Variants in GPC4 observed in about 807,000 individuals in gnomAD.
GPC4 encodes the protein glypican 4.
GPC4 carries 10 observed loss-of-function variants against 35.0 expected under a neutral mutation model. The observed-to-expected ratio is 0.29, with a 90% CI of 0.18 to 0.48. GPC4 has a LOEUF of 0.48. GPC4 is among the 20% of genes least tolerant of loss of function. The probability of loss-of-function intolerance (pLI) is 0.99; values close to 1 mark genes in which losing one functional copy is unlikely to be tolerated. For synonymous variants in GPC4, 167 were observed against 170.2 expected, an observed-to-expected ratio of 0.98 and a Z score of 0.15; for missense variants, 322 against 451.3, an observed-to-expected ratio of 0.71 and a Z score of 2.60.
intron 1 of GPC4, among the ~76,000 whole-genome samples, chrX:133,406,946 C>A (rs1248942340): frequency 9.3e-6 from 1 of 107,920 alleles, no homozygotes; most frequent in Non-Finnish European, 1.9e-5. Context: ...TGTGGCAGCA[C>A]ACACCTGTAG....
intron 2 of GPC4, among the ~76,000 whole-genome samples, chrX:133,329,640 A>G (rs1453325198): frequency 9.0e-6 from 1 of 111,073 alleles, no homozygotes; most frequent in Non-Finnish European, 1.9e-5. Context: ...AGAATACCAT[A>G]CACACACCAC....
intron 1 of GPC4, among the ~76,000 whole-genome samples, chrX:133,360,921 G>T (rs756628545): frequency 9.0e-6 from 1 of 111,130 alleles, no homozygotes; most frequent in African/African-American, 3.3e-5. Flanking sequence ...AACTGATTAC[G>T]GTTTTTATCC....
At chrX:133,308,032 A>T (rs763011185) in intron 4 of GPC4, among the ~76,000 whole-genome samples, 17 of 112,017 alleles carry the variant, frequency 1.5e-4, no homozygotes, top group Non-Finnish European at 2.8e-4. Context: ...TGTGTTGCGC[A>T]GCTGAAGAAT....
intron 1 of GPC4, among the ~76,000 whole-genome samples, chrX:133,356,022 G>A (rs1268777943): frequency 1.8e-5 from 2 of 111,606 alleles, no homozygotes; most frequent in Non-Finnish European, 3.8e-5. Flanking sequence ...AACTTACCCA[G>A]CCTCCAGTAT....
At chrX:133,397,752 C>T (rs1040552410) in intron 1 of GPC4, among the ~76,000 whole-genome samples, 5 of 111,454 alleles carry the variant, frequency 4.5e-5, no homozygotes, top group African/African-American at 9.8e-5. Context: ...AATCAGAAAA[C>T]TTACCCTTAT....
chrX:133,302,785 A>G lies in GPC4; in HGVS notation c.*82T>C. 9 of 953,790 alleles carry G rather than the reference A, an allele frequency of 9.4e-6. No homozygotes were observed. Among genetic ancestry groups the G allele is most frequent in the Non-Finnish European group, 1.3e-5 (9 of 679,748 alleles). 78.6% of individuals were successfully genotyped at this position (953,790 alleles called of 1,213,427 possible). ...TACATTGTTGTCCATTCATTTAAAA[A>G]GCAAAGTCACTAGGATGGTAGAAAA... On this transcript the variant is annotated 3_prime_UTR_variant, in exon 9 of 9. Coordinates refer to ENST00000370828, the MANE Select transcript of GPC4 (RefSeq NM_001448.3).
chrX:133,380,776 G>A (rs2068657318), intron 1 of GPC4, among the ~76,000 whole-genome samples: 2 of 111,911 alleles, frequency 1.8e-5, no homozygotes, highest in African/African-American at 6.5e-5. Flanking sequence ...GAGGCAAATT[G>A]CACACAAAAC....
At chrX:133,304,498 A>T (rs1371369843) in intron 7 of GPC4, among the ~76,000 whole-genome samples, 1 of 111,655 alleles carries the variant, frequency 9.0e-6, no homozygotes, top group African/African-American at 3.3e-5. Context: ...CGAGACTATA[A>T]CTACTGTCAA....
At chrX:133,399,755 C>G (rs1402675563) in intron 1 of GPC4, among the ~76,000 whole-genome samples, 1 of 112,474 alleles carries the variant, frequency 8.9e-6, no homozygotes, top group Non-Finnish European at 1.9e-5. Context: ...AATCCCAACA[C>G]TTTGGGAGCC....
chrX:133,350,308 A>T (rs2068511264), intron 1 of GPC4, among the ~76,000 whole-genome samples: 1 of 111,038 alleles, frequency 9.0e-6, no homozygotes, highest in Admixed American at 9.6e-5. Flanking sequence ...GGATCGCTTC[A>T]GCCCATGAAT....
intron 3 of GPC4, among the ~76,000 whole-genome samples, chrX:133,319,443 CAAAAA>C (rs369290840): frequency 3.6e-4 from 6 of 16,889 alleles, no homozygotes; most frequent in African/African-American, 9.4e-4. Context: ...GACCCTATGT[CAAAAA>C]AAAAAAAAAA....
Position 133,415,222 on chromosome X carries a change from A to C in GPC4, c.-257T>G. ...AGGGCGTGGAGGCGGCGCGCGGCCC[A>C]GGGAAGCAGAGGCGCGGGCTGGTGA... On this transcript the variant is annotated 5_prime_UTR_variant, in exon 1 of 9. Transcript: ENST00000370828. 1 of 330,988 alleles carries C rather than the reference A, an allele frequency of 3.0e-6. No individual in the cohort carries two copies. Among genetic ancestry groups the C allele is most frequent in the South Asian group, 7.0e-5 (1 of 14,238 alleles). The allele number at this position is 330,988 out of a possible 1,213,427, so 27.3% of individuals were successfully genotyped here. A position where few individuals can be genotyped will look rare whatever the true frequency, so the allele number is the denominator to read the frequency against.
intron 1 of GPC4, among the ~76,000 whole-genome samples, chrX:133,397,794 C>T (rs760941051): frequency 2.7e-5 from 3 of 112,073 alleles, no homozygotes; most frequent in Non-Finnish European, 5.6e-5. Context: ...GGCACAGTGG[C>T]TCACGCCTGT....
intron 2 of GPC4, among the ~76,000 whole-genome samples, chrX:133,327,177 C>T (rs1447864255): frequency 8.9e-6 from 1 of 111,934 alleles, no homozygotes; most frequent in Non-Finnish European, 1.9e-5. Flanking sequence ...ATAAAATTGG[C>T]ACATATCAGC....
chrX:133,303,347 A>G lies in GPC4; in HGVS notation c.1293-6T>C, dbSNP rs1436907587. On this transcript the variant is annotated splice_region_variant and splice_polypyrimidine_tract_variant and intron_variant, in intron 7 of 8. Transcript: ENST00000370828. ...CTGTCACTGCAAACAGGTACCTGGA[A>G]TGTAAAATGACCCCAGTAAGATGAT... 3.3e-6 allele frequency: 4 copies of G among 1,196,932 alleles called. No individual in the cohort carries two copies. Among genetic ancestry groups the G allele is most frequent in the Admixed American group, 4.5e-5 (2 of 44,611 alleles).
At chrX:133,384,313 G>C (rs1224630931) in intron 1 of GPC4, among the ~76,000 whole-genome samples, 1 of 110,743 alleles carries the variant, frequency 9.0e-6, no homozygotes, top group Non-Finnish European at 1.9e-5. Flanking sequence ...GAAAACAGGA[G>C]AGTGGCCATA....
At chrX:133,367,094 C>G (rs1190357483) in intron 1 of GPC4, among the ~76,000 whole-genome samples, 1 of 112,065 alleles carries the variant, frequency 8.9e-6, no homozygotes, top group Non-Finnish European at 1.9e-5. Flanking sequence ...GTGGCTCCCA[C>G]CCTGTGAAGT....
At chrX:133,404,737 C>CA (rs1178109027) in intron 1 of GPC4, among the ~76,000 whole-genome samples, 1 of 106,421 alleles carries the variant, frequency 9.4e-6, no homozygotes, top group African/African-American at 3.5e-5. Flanking sequence ...TGCCTATAAT[C>CA]ACAGCTACTT....
intron 1 of GPC4, among the ~76,000 whole-genome samples, chrX:133,363,654 G>GC (rs1030008329): frequency 3.6e-5 from 4 of 110,133 alleles, no homozygotes; most frequent in African/African-American, 6.6e-5. Context: ...TCCAGAAATT[G>GC]CCCCCCCATC....
Sources: allele counts gnomAD v4.1 joint callset (sites outside exome capture counted in the v4.1 genomes callset), GRCh38; gene constraint gnomAD v4.1.1; transcripts MANE v1.5; gene names NCBI Gene and HGNC (gene_info 2026-07-23, HGNC 2026-07-21).